Variants in TANC2 observed in about 807,000 individuals in gnomAD.
TANC2 encodes the protein tetratricopeptide repeat, ankyrin repeat and coiled-coil containing 2.
Under a neutral mutation model 210.5 loss-of-function variants are expected in TANC2, and 26 were observed. The ratio of observed to expected loss-of-function variants is 0.12; its 90% CI spans 0.09 to 0.17. The LOEUF (loss-of-function observed/expected upper bound fraction) is 0.17. Ranked by LOEUF, TANC2 falls within the 10% of genes least tolerant of loss-of-function variation. TANC2 has a pLI of 1.00. For missense variants in TANC2, 2,129 were observed against 2,608.9 expected (o/e 0.82, Z 4.01); for synonymous variants, 931 against 967.1 (o/e 0.96, Z 0.69).
At chr17:63,235,790 A>G (rs2042604426) in intron 7 of TANC2, among the ~76,000 whole-genome samples, 1 of 152,022 alleles carries the variant, frequency 6.6e-6, no homozygotes, top group African/African-American at 2.4e-5. Flanking sequence ...ACTAACATAT[A>G]AAAACTCCTC....
At chr17:63,158,082 G>A (rs543375506) in intron 5 of TANC2, among the ~76,000 whole-genome samples, 1 of 152,150 alleles carries the variant, frequency 6.6e-6, no homozygotes, top group African/African-American at 2.4e-5. Flanking sequence ...GTTGTGTTGT[G>A]TGTATGCGTG....
chr17:63,041,273 G>A (rs2144261353), intron 2 of TANC2, among the ~76,000 whole-genome samples: 1 of 152,180 alleles, frequency 6.6e-6, no homozygotes, highest in African/African-American at 2.4e-5. Flanking sequence ...GATTTTTTAT[G>A]TCAAGTTTAG....
intron 7 of TANC2, among the ~76,000 whole-genome samples, chr17:63,210,532 T>A (rs2041854207): frequency 6.6e-6 from 1 of 152,218 alleles, no homozygotes; most frequent in African/African-American, 2.4e-5. Flanking sequence ...AAGATTTATG[T>A]CTCCTACTTT....
intron 1 of TANC2, among the ~76,000 whole-genome samples, chr17:62,974,330 G>A (rs1046720613): frequency 3.3e-5 from 5 of 152,118 alleles, no homozygotes; most frequent in Admixed American, 2.0e-4. Flanking sequence ...GAGGAGTTTG[G>A]AGAACAGCAT....
At chr17:63,038,683 T>G (rs1049803460) in intron 2 of TANC2, among the ~76,000 whole-genome samples, 1 of 152,190 alleles carries the variant, frequency 6.6e-6, no homozygotes, top group Non-Finnish European at 1.5e-5. Flanking sequence ...CTATAGACTT[T>G]ATGTAATAGT....
At chr17:63,397,567 A>G (rs2048208142) in intron 18 of TANC2, among the ~76,000 whole-genome samples, 1 of 152,214 alleles carries the variant, frequency 6.6e-6, no homozygotes, top group East Asian at 1.9e-4. Context: ...CACTAAATGA[A>G]GCCCTGATTT....
intron 9 of TANC2, among the ~76,000 whole-genome samples, chr17:63,282,105 AATAAAG>A (rs1218374691): frequency 8.5e-5 from 13 of 152,102 alleles, no homozygotes; most frequent in African/African-American, 3.1e-4. Context: ...GAAATATTAT[AATAAAG>A]ATAAGAGCAG....
At chr17:63,131,894 C>T (rs1479315055) in intron 4 of TANC2, among the ~76,000 whole-genome samples, 1 of 152,138 alleles carries the variant, frequency 6.6e-6, no homozygotes, top group African/African-American at 2.4e-5. Context: ...AGAACCTCCT[C>T]AATAGGATTT....
intron 21 of TANC2, among the ~76,000 whole-genome samples, chr17:63,407,784 G>A (rs886064967): frequency 1.3e-5 from 2 of 152,156 alleles, no homozygotes; most frequent in African/African-American, 2.4e-5. Flanking sequence ...ACAGGCGTCC[G>A]TTGAGTTAGA....
intron 6 of TANC2, among the ~76,000 whole-genome samples, chr17:63,195,185 A>G (rs1489830937): frequency 2.0e-5 from 3 of 152,174 alleles, no homozygotes; most frequent in Non-Finnish European, 4.4e-5. Flanking sequence ...TTTAAATACT[A>G]TCTTAACTCC....
At chr17:63,204,575 A>G in intron 7 of TANC2, among the ~76,000 whole-genome samples, 1 of 151,898 alleles carries the variant, frequency 6.6e-6, no homozygotes, top group Non-Finnish European at 1.5e-5. Flanking sequence ...TCCAGCCTGG[A>G]AAACCTAGCG....
chr17:62,981,999 G>A (rs1331721677), intron 1 of TANC2, among the ~76,000 whole-genome samples: 1 of 152,178 alleles, frequency 6.6e-6, no homozygotes, highest in Non-Finnish European at 1.5e-5. Flanking sequence ...TTTACACAGT[G>A]TCCACAATCT....
chr17:63,319,559 C>T (rs2146626643), intron 11 of TANC2, among the ~76,000 whole-genome samples: 1 of 152,250 alleles, frequency 6.6e-6, no homozygotes, highest in South Asian at 2.1e-4. Flanking sequence ...CCATGTTGGC[C>T]GGGCTTCTCT....
At position 63,225,852 on chromosome 17, in the gene TANC2, A is replaced by G. The variant is rs190958516; in HGVS notation, c.770-11962A>G. Among the ~76,000 whole-genome samples the G allele has an allele frequency of 4.7e-4, 71 of 152,334 alleles. No individual in the cohort carries two copies. In the Middle Eastern group the frequency reaches 0.014, roughly 29 times the overall value. The stretch of plus-strand genomic sequence containing the variant: ...CAGGAGATCATGAATTTGGATTGTA[A>G]AAAAAGATTACGTTTTCATTTTTTG... On this transcript the variant is annotated intron_variant, in intron 7 of 27. Transcript: ENST00000689528.
intron 4 of TANC2, among the ~76,000 whole-genome samples, chr17:63,134,565 T>C (rs1323700794): frequency 6.6e-6 from 1 of 152,060 alleles, no homozygotes; most frequent in Non-Finnish European, 1.5e-5. Context: ...AGTAATGCAT[T>C]ATACTTCAGC....
intron 1 of TANC2, among the ~76,000 whole-genome samples, chr17:62,995,224 T>G (rs2033051475): frequency 6.6e-6 from 1 of 152,242 alleles, no homozygotes; most frequent in South Asian, 2.1e-4. Context: ...TCACATTGTT[T>G]CCTGGGAAGG....
At chr17:63,354,790 C>A (rs760007485) in exon 14 of TANC2, 2 of 1,561,030 alleles carry the variant, frequency 1.3e-6, no homozygotes, top group Non-Finnish European at 8.6e-7. Flanking sequence ...TAGGAAATTA[C>A]CAAGCTGCTG....
intron 1 of TANC2, chr17:63,004,710 C>A (rs758227186): frequency 3.1e-6 from 1 of 324,504 alleles, no homozygotes; most frequent in South Asian, 3.3e-5. Flanking sequence ...GCACACACTT[C>A]ACTTGGTATC....
At chr17:63,341,771 TG>T (rs2146801913) in intron 12 of TANC2, among the ~76,000 whole-genome samples, 1 of 152,372 alleles carries the variant, frequency 6.6e-6, no homozygotes, top group East Asian at 1.9e-4. Context: ...AACACTTCTC[TG>T]ATCACATAAT....
Sources: allele counts gnomAD v4.1 joint callset (sites outside exome capture counted in the v4.1 genomes callset), GRCh38; gene constraint gnomAD v4.1.1; transcripts MANE v1.5; gene names NCBI Gene and HGNC (gene_info 2026-07-23, HGNC 2026-07-21).